The following RPTOR variants were observed in gnomAD, a reference collection of about 807,000 sequenced individuals.
RPTOR encodes regulatory associated protein of MTOR complex 1.
Under a neutral mutation model 169.9 loss-of-function variants are expected in RPTOR, and 21 were observed. The ratio of observed to expected loss-of-function variants is 0.12; its 90% CI spans 0.09 to 0.18. The LOEUF (loss-of-function observed/expected upper bound fraction) is 0.18. RPTOR is among the 10% of genes least tolerant of loss of function. RPTOR has a pLI of 1.00. For synonymous variants in RPTOR, 732 were observed against 753.2 expected, an observed-to-expected ratio of 0.97 and a Z score of 0.46; for missense variants, 1,133 against 1,855.9, an observed-to-expected ratio of 0.61 and a Z score of 7.16.
At chr17:80,571,037 G>A (rs1290501572) in intron 1 of RPTOR, among the ~76,000 whole-genome samples, 1 of 152,206 alleles carries the variant, frequency 6.6e-6, no homozygotes, top group African/African-American at 2.4e-5. Context: ...ATAACGCCAG[G>A]TAGGTCAGAG....
At chr17:80,671,704 C>T (rs1456168740) in intron 3 of RPTOR, among the ~76,000 whole-genome samples, 1 of 152,194 alleles carries the variant, frequency 6.6e-6, no homozygotes, top group Non-Finnish European at 1.5e-5. Flanking sequence ...CCAGGCATGC[C>T]ATCTGCAGCC....
chr17:80,837,779 A>T lies in RPTOR; in HGVS notation c.1137-143A>T, dbSNP rs1326053538. On this transcript the variant is annotated intron_variant, in intron 9 of 33. Transcript: ENST00000306801. ...CAAATCTGAACAGCAGTGAAACCGTAAACATGCCCCCCACCAGCTGCCGTG... is the reference window on the plus strand; with the variant it reads ...CAAATCTGAACAGCAGTGAAACCGTTAACATGCCCCCCACCAGCTGCCGTG... The T allele has an allele frequency of 1.2e-5, 9 of 763,094 alleles. No individual in the cohort carries two copies. In the East Asian group the frequency reaches 2.1e-4, roughly 18 times the overall value. 47.3% of individuals were successfully genotyped at this position (763,094 alleles called of 1,614,324 possible). A position where few individuals can be genotyped will look rare whatever the true frequency, so the allele number is the denominator to read the frequency against.
At chr17:80,629,980 C>T (rs1262864979) in intron 2 of RPTOR, among the ~76,000 whole-genome samples, 1 of 152,210 alleles carries the variant, frequency 6.6e-6, no homozygotes, top group Non-Finnish European at 1.5e-5. Flanking sequence ...GCTGATAAAC[C>T]AGCCAAGGAA....
At chr17:80,798,592 C>T (rs2143520618) in intron 7 of RPTOR, among the ~76,000 whole-genome samples, 2 of 152,092 alleles carry the variant, frequency 1.3e-5, no homozygotes, top group African/African-American at 4.8e-5. Flanking sequence ...GCTCCTCCAA[C>T]ACCACTCCTC....
rs2069012684 is a variant in RPTOR, at chr17:80,940,620, C to G, written c.3025+19C>G. On this transcript the variant is annotated intron_variant, in intron 25 of 33. Transcript: ENST00000306801. Reference sequence around the variant, plus strand: ...CAGAAGGGTAAGGGCACCCGCACAGCCAGCCAGGGGCTCATTCCGGGGGTG... The same window carrying G: ...CAGAAGGGTAAGGGCACCCGCACAGGCAGCCAGGGGCTCATTCCGGGGGTG... 1.3e-6 allele frequency: 2 copies of G among 1,586,812 alleles called. No individual in the cohort carries two copies. The highest frequency in any genetic ancestry group is 2.3e-5 in the East Asian group (1 of 43,708).
intron 1 of RPTOR, among the ~76,000 whole-genome samples, chr17:80,563,312 A>G (rs1342727385): frequency 6.6e-6 from 1 of 151,704 alleles, no homozygotes; most frequent in Non-Finnish European, 1.5e-5. Flanking sequence ...AGGCGGGTGG[A>G]TCACGAGGTC....
chr17:80,545,906 T>A, intron 1 of RPTOR, 115 bp downstream of exon 1: 1 of 889,872 alleles, frequency 1.1e-6, no homozygotes, highest in Non-Finnish European at 1.6e-6. Flanking sequence ...CCACACGTTG[T>A]AAGTCAACTA....
intron 11 of RPTOR, among the ~76,000 whole-genome samples, chr17:80,854,711 AGTGAGACCCCC>A (rs1567950836): frequency 6.6e-6 from 1 of 152,208 alleles, no homozygotes; most frequent in Non-Finnish European, 1.5e-5. Flanking sequence ...TGGGCAATGT[AGTGAGACCCCC>A]ATCTCTATAA....
At chr17:80,565,625 C>T (rs7216810) in intron 1 of RPTOR, among the ~76,000 whole-genome samples, 15,639 of 106,230 alleles carry the variant, frequency 0.15, 12 homozygotes, top group African/African-American at 0.16. Context: ...GGCTGGGAGG[C>T]GGAGGGAGGC....
chr17:80,566,155 T>C (rs1228437989), intron 1 of RPTOR, among the ~76,000 whole-genome samples: 2 of 152,198 alleles, frequency 1.3e-5, no homozygotes, highest in African/African-American at 2.4e-5. Flanking sequence ...ATCAATCAAG[T>C]GGGTCTAAGA....
intron 4 of RPTOR, among the ~76,000 whole-genome samples, chr17:80,714,410 G>A (rs1261888316): frequency 6.6e-6 from 1 of 152,104 alleles, no homozygotes; most frequent in African/African-American, 2.4e-5. Flanking sequence ...ATTCTCAAGT[G>A]CATGTGGAAT....
intron 6 of RPTOR, among the ~76,000 whole-genome samples, chr17:80,762,761 A>G (rs2066747948): frequency 6.6e-6 from 1 of 152,176 alleles, no homozygotes; most frequent in Non-Finnish European, 1.5e-5. Context: ...AGGAGTTCCC[A>G]CCAAAGGGAT....
At chr17:80,741,158 G>A (rs543483583) in intron 5 of RPTOR, among the ~76,000 whole-genome samples, 39 of 152,314 alleles carry the variant, frequency 2.6e-4, no homozygotes, top group African/African-American at 7.2e-4. Flanking sequence ...GGGTCTCCCC[G>A]TGACCCAGCA....
At chr17:80,867,949 G>A (rs1432704346) in intron 13 of RPTOR, among the ~76,000 whole-genome samples, 5 of 152,246 alleles carry the variant, frequency 3.3e-5, no homozygotes, top group Admixed American at 1.3e-4. Flanking sequence ...CCTACAGCAG[G>A]CAAAACAACT....
rs1363060831 is a variant in RPTOR, at chr17:80,754,602, AAAG to A, written c.830+419_830+421del. Among the ~76,000 whole-genome samples, 1 of 152,224 alleles carries A rather than the reference AAAG, an allele frequency of 6.6e-6. No individual in the cohort carries two copies. The highest frequency in any genetic ancestry group is 1.5e-5 in the Non-Finnish European group (1 of 68,044). On this transcript the variant is annotated intron_variant, in intron 6 of 33. Transcript: ENST00000306801. The surrounding 1 kb of genome is among the most constrained non-coding windows in gnomAD (Gnocchi z 4.2). ...TTTCAATGTATTTTTAGCAATGAAAAAAGAGCCATGATTTTTCTGTCTCCATCC... is the reference window on the plus strand; with the variant it reads ...TTTCAATGTATTTTTAGCAATGAAAAAGCCATGATTTTTCTGTCTCCATCC...
At chr17:80,831,596 C>T (rs942744916) in intron 9 of RPTOR, among the ~76,000 whole-genome samples, 3 of 152,200 alleles carry the variant, frequency 2.0e-5, no homozygotes, top group African/African-American at 7.2e-5. Flanking sequence ...ATCGGAATCC[C>T]GCCGAGGCTC....
intron 1 of RPTOR, among the ~76,000 whole-genome samples, chr17:80,567,865 TAAG>T (rs1350907961): frequency 2.0e-5 from 3 of 151,744 alleles, no homozygotes; most frequent in Non-Finnish European, 4.4e-5. Context: ...AATTTTAAAA[TAAG>T]AATATCTCTT....
chr17:80,730,757 C>CT lies in RPTOR; in HGVS notation c.654+52dup. ...GGTGCTGGGTTTGGTTTTGTTTTCCCTGGGGGTGGGGTTTGGGTGGGGAGG... is the reference window on the plus strand; with the variant it reads ...GGTGCTGGGTTTGGTTTTGTTTTCCCTTGGGGGTGGGGTTTGGGTGGGGAGG... On this transcript the variant is annotated intron_variant, in intron 5 of 33. Coordinates refer to ENST00000306801, the MANE Select transcript of RPTOR (RefSeq NM_020761.3). This position sits in a 1 kb window ranked among gnomAD's most constrained non-coding sequence, Gnocchi z 4.2. The CT allele has an allele frequency of 2.9e-6, 2 of 691,978 alleles. No homozygotes were observed. Among genetic ancestry groups the CT allele is most frequent in the African/African-American group, 1.9e-5 (1 of 52,740 alleles). The allele number at this position is 691,978 out of a possible 1,614,324, so 42.9% of individuals were successfully genotyped here.
At position 80,721,535 on chromosome 17, in the gene RPTOR, C is replaced by G. The variant is rs779610191; in HGVS notation, c.508-9025C>G. On this transcript the variant is annotated intron_variant, in intron 4 of 33. Coordinates refer to ENST00000306801, the MANE Select transcript of RPTOR (RefSeq NM_020761.3). This position sits in a 1 kb window ranked among gnomAD's most constrained non-coding sequence, Gnocchi z 4.7. ...CGGGCTCTCCTGGCTCACCCGGGGC[C>G]GTCAGGGCGCTGCAGTTTGCAGGAG... 6.6e-6 allele frequency among the ~76,000 whole-genome samples: 1 copy of G among 151,282 alleles called. No individual in the cohort carries two copies. Among genetic ancestry groups the G allele is most frequent in the Admixed American group, 6.6e-5 (1 of 15,262 alleles).
Sources: gnomAD v4.1 joint callset for allele counts (sites outside exome capture counted in the v4.1 genomes callset) on GRCh38, gnomAD v4.1.1 for gene constraint, Gnocchi (gnomAD v3.1) non-coding constraint, MANE v1.5 for transcripts, NCBI Gene and HGNC (gene_info 2026-07-23, HGNC 2026-07-21) for gene names.